Variants in MTHFD2L observed in about 807,000 individuals in gnomAD.
The protein encoded by MTHFD2L is methylenetetrahydrofolate dehydrogenase (NADP+ dependent) 2 like.
Under a neutral mutation model 34.9 loss-of-function variants are expected in MTHFD2L, and 29 were observed. The observed-to-expected ratio is 0.83, with a 90% CI of 0.62 to 1.13. The LOEUF is 1.13. MTHFD2L is among the 50% of genes most tolerant of loss of function. The pLI is 0.00. For missense variants in MTHFD2L, 481 were observed against 446.5 expected, an observed-to-expected ratio of 1.08 and a Z score of -0.70; for synonymous variants, 167 against 155.7, an observed-to-expected ratio of 1.07 and a Z score of -0.54.
At chr4:74,159,809 C>T (rs1725014882) in intron 1 of MTHFD2L, among the ~76,000 whole-genome samples, 2 of 152,246 alleles carry the variant, frequency 1.3e-5, no homozygotes, top group South Asian at 4.1e-4. Flanking sequence ...CGGCTGCTTT[C>T]AGTTCCACTT....
chr4:74,266,985 T>A, intron 6 of MTHFD2L: 1 of 985,470 alleles, frequency 1.0e-6, no homozygotes, highest in Non-Finnish European at 1.2e-6. Context: ...TTTTTCAAGT[T>A]GAGCTCTGGG....
intron 1 of MTHFD2L, chr4:74,159,917 G>A (rs59617567): frequency 0.03 from 7,674 of 252,734 alleles, 442 homozygotes; most frequent in African/African-American, 0.13. Context: ...GGGTTTTGAC[G>A]CCCTCTTTGT....
At chr4:74,220,126 A>G (rs1325304214) in intron 5 of MTHFD2L, among the ~76,000 whole-genome samples, 1 of 150,736 alleles carries the variant, frequency 6.6e-6, no homozygotes, top group Non-Finnish European at 1.5e-5. Flanking sequence ...GGAGGCTCTC[A>G]TTTGGAATCA....
intron 1 of MTHFD2L, among the ~76,000 whole-genome samples, chr4:74,143,777 T>A (rs571450220): frequency 2.6e-5 from 4 of 152,288 alleles, no homozygotes; most frequent in Admixed American, 2.0e-4. Context: ...TAGAAGAATA[T>A]CTTAATATTG....
chr4:74,285,067 A>G (rs1312196958), intron 7 of MTHFD2L, among the ~76,000 whole-genome samples: 1 of 152,106 alleles, frequency 6.6e-6, no homozygotes, highest in African/African-American at 2.4e-5. Context: ...GGAAACCATC[A>G]TTCTCAGCAA....
At chr4:74,249,375 C>G (rs1742981644) in intron 6 of MTHFD2L, among the ~76,000 whole-genome samples, 1 of 152,124 alleles carries the variant, frequency 6.6e-6, no homozygotes, top group Non-Finnish European at 1.5e-5. Context: ...CTATGTGTGT[C>G]TCTGCACATG....
chr4:74,265,530 C>G (rs1430198909), intron 6 of MTHFD2L, among the ~76,000 whole-genome samples: 1 of 152,296 alleles, frequency 6.6e-6, no homozygotes, highest in South Asian at 2.1e-4. Context: ...ATTTACTTCT[C>G]TATCCAGTCT....
chr4:74,244,492 G>C (rs1742140232), intron 6 of MTHFD2L, among the ~76,000 whole-genome samples: 1 of 142,800 alleles, frequency 7.0e-6, no homozygotes, highest in African/African-American at 2.5e-5. Flanking sequence ...CCCACTGTGA[G>C]CTTGACAGCT....
chr4:74,217,918 C>T (rs924460522), intron 5 of MTHFD2L, among the ~76,000 whole-genome samples: 5 of 152,108 alleles, frequency 3.3e-5, no homozygotes, highest in African/African-American at 1.2e-4. Context: ...TTTGTACTCA[C>T]ATTAACAATC....
intron 3 of MTHFD2L, 99 bp downstream of exon 3, chr4:74,175,502 C>T: frequency 7.9e-7 from 1 of 1,267,810 alleles, no homozygotes. Context: ...TTATAAAATA[C>T]ATTCAGAAGG....
chr4:74,133,431 A>G (rs1336725530), intron 1 of MTHFD2L, among the ~76,000 whole-genome samples: 2 of 152,050 alleles, frequency 1.3e-5, no homozygotes, highest in Non-Finnish European at 2.9e-5. Flanking sequence ...GCTCCCCCTT[A>G]AACACCAATA....
At chr4:74,178,600 C>A (rs1729508010) in intron 3 of MTHFD2L, among the ~76,000 whole-genome samples, 1 of 151,584 alleles carries the variant, frequency 6.6e-6, no homozygotes, top group Non-Finnish European at 1.5e-5. Flanking sequence ...AAGCATAGAG[C>A]TAAAGTGACC....
At chr4:74,175,497 A>G in intron 3 of MTHFD2L, 94 bp downstream of exon 3, 1 of 1,293,478 alleles carries the variant, frequency 7.7e-7, no homozygotes, top group Non-Finnish European at 1.1e-6. Flanking sequence ...GTAATTTATA[A>G]AATACATTCA....
At chr4:74,131,906 C>T (rs1250378133) in intron 1 of MTHFD2L, among the ~76,000 whole-genome samples, 3 of 151,932 alleles carry the variant, frequency 2.0e-5, no homozygotes, top group Non-Finnish European at 4.4e-5. Context: ...ACAAACATGC[C>T]CATCAAAAAG....
chr4:74,133,193 A>T (rs1195794216), intron 1 of MTHFD2L, among the ~76,000 whole-genome samples: 2 of 152,144 alleles, frequency 1.3e-5, no homozygotes, highest in African/African-American at 4.8e-5. Flanking sequence ...TTGCCAGATG[A>T]ACTGGAGTTG....
chr4:74,207,248 G>A (rs1337248956), intron 5 of MTHFD2L, among the ~76,000 whole-genome samples: 2 of 152,118 alleles, frequency 1.3e-5, no homozygotes, highest in African/African-American at 2.4e-5. Context: ...TTTCTAAGTA[G>A]GACATATCTT....
chr4:74,201,399 C>T lies in MTHFD2L; in HGVS notation c.712+29C>T, dbSNP rs143645165. Reference sequence around the variant, plus strand: ...GGTAGAACCTTGCAGATTCTACACTCTCTCGCAGTATTCTTACTTCTTACA... The same window carrying T: ...GGTAGAACCTTGCAGATTCTACACTTTCTCGCAGTATTCTTACTTCTTACA... On this transcript the variant is annotated intron_variant, in intron 5 of 7. Transcript: ENST00000325278. 1.5e-3 allele frequency: 2,210 copies of T among 1,482,070 alleles called. 22 individuals are homozygous for T. The African/African-American group carries it at 0.026, about 17-fold the overall frequency. 91.8% of individuals were successfully genotyped at this position (1,482,070 alleles called of 1,614,324 possible).
intron 3 of MTHFD2L, among the ~76,000 whole-genome samples, chr4:74,196,771 C>A (rs537859): frequency 1.6e-4 from 25 of 151,716 alleles, no homozygotes; most frequent in Non-Finnish European, 2.1e-4. Flanking sequence ...TATGGTGAAA[C>A]CCCATCTGTA....
intron 2 of MTHFD2L, 74 bp from the exon 3 acceptor site, chr4:74,175,207 A>C: frequency 6.6e-7 from 1 of 1,505,902 alleles, no homozygotes; most frequent in Non-Finnish European, 9.1e-7. Context: ...ACAGTCCCAC[A>C]CTGTGTCAGA....
Sources: gnomAD v4.1 joint callset for allele counts (sites outside exome capture counted in the v4.1 genomes callset) on GRCh38, gnomAD v4.1.1 for gene constraint, MANE v1.5 for transcripts, NCBI Gene and HGNC (gene_info 2026-07-23, HGNC 2026-07-21) for gene names.